WRN: variants seen among roughly 807,000 people sequenced by gnomAD.
The protein encoded by WRN is WRN RecQ like helicase, also known as bifunctional 3'-5' exonuclease/ATP-dependent helicase WRN.
WRN carries 149 observed loss-of-function variants against 180.7 expected under a neutral mutation model. The observed-to-expected ratio is 0.82, with a 90% CI of 0.72 to 0.94. The LOEUF is 0.94. Ranked by LOEUF, WRN falls within the 40% of genes least tolerant of loss-of-function variation. The pLI, the probability that WRN is intolerant of heterozygous loss-of-function variation, is 0.00. For synonymous variants in WRN, 548 were observed against 568.9 expected, an observed-to-expected ratio of 0.96 and a Z score of 0.52; for missense variants, 1,661 against 1,700.1, an observed-to-expected ratio of 0.98 and a Z score of 0.40.
At chr8:31,092,439 T>TTG (rs142679273) in intron 16 of WRN, among the ~76,000 whole-genome samples, 74,909 of 146,644 alleles carry the variant, frequency 0.51, 20,494 homozygotes, top group Middle Eastern at 0.61. Context: ...CACACCCATT[T>TTG]TGTGTGTGTG....
chr8:31,174,687 T>C lies in WRN; in HGVS notation c.*1585T>C, dbSNP rs1409128663. 6.6e-6 allele frequency among the ~76,000 whole-genome samples: 1 copy of C among 152,026 alleles called. No homozygotes were observed. Among genetic ancestry groups the C allele is most frequent in the Non-Finnish European group, 1.5e-5 (1 of 68,002 alleles). ...CACTACTACTACTACTAATTCTTCT[T>C]CTGATTCTTCTTCTTCTCCTTCTTC... is the stretch of plus-strand genomic sequence containing the variant. On this transcript the variant is annotated 3_prime_UTR_variant, in exon 35 of 35. Coordinates refer to ENST00000298139, the MANE Select transcript of WRN (RefSeq NM_000553.6).
At chr8:31,099,657 C>T (rs528358318) in intron 17 of WRN, among the ~76,000 whole-genome samples, 5 of 148,802 alleles carry the variant, frequency 3.4e-5, no homozygotes, top group Non-Finnish European at 7.4e-5. Flanking sequence ...ATTTGCATGT[C>T]TGTCTCCTCT....
At chr8:31,118,703 GA>G (rs1801609906) in intron 20 of WRN, among the ~76,000 whole-genome samples, 1 of 151,886 alleles carries the variant, frequency 6.6e-6, no homozygotes, top group Non-Finnish European at 1.5e-5. Context: ...TATAATTTTA[GA>G]AAAAAGTATA....
At chr8:31,151,894 G>T (rs1420688904) in intron 31 of WRN, among the ~76,000 whole-genome samples, 2 of 142,568 alleles carry the variant, frequency 1.4e-5, no homozygotes, top group Admixed American at 1.4e-4. Flanking sequence ...AGTTTCATTA[G>T]CCTTTTATTT....
chr8:31,044,065 G>C (rs1014721728), intron 1 of WRN, among the ~76,000 whole-genome samples: 1 of 150,456 alleles, frequency 6.6e-6, no homozygotes, highest in Non-Finnish European at 1.5e-5. Context: ...TTTTTTAGAC[G>C]GAGTCTCACT....
chr8:31,061,610 G>T (rs1812487214), intron 3 of WRN, among the ~76,000 whole-genome samples: 1 of 150,702 alleles, frequency 6.6e-6, no homozygotes, highest in Non-Finnish European at 1.5e-5. Flanking sequence ...AAGGAACTTT[G>T]TCAGACATCT....
At chr8:31,154,928 TC>T (rs1418587625) in intron 32 of WRN, among the ~76,000 whole-genome samples, 173 bp downstream of exon 32, 9 of 152,338 alleles carry the variant, frequency 5.9e-5, no homozygotes, top group African/African-American at 2.2e-4. Flanking sequence ...CTGTTAAGCC[TC>T]CCTGTTAAGT....
At chr8:31,055,935 GT>G (rs1416489125) in intron 1 of WRN, among the ~76,000 whole-genome samples, 1 of 152,146 alleles carries the variant, frequency 6.6e-6, no homozygotes, top group Admixed American at 6.5e-5. Flanking sequence ...CAACATTAAT[GT>G]TCTGTGTGCT....
intron 1 of WRN, among the ~76,000 whole-genome samples, chr8:31,052,078 T>C (rs1411629886): frequency 1.3e-5 from 2 of 152,354 alleles, no homozygotes; most frequent in Non-Finnish European, 2.9e-5. Context: ...ACAAAGATCA[T>C]CTGGCCTGTA....
intron 18 of WRN, among the ~76,000 whole-genome samples, chr8:31,106,118 A>G (rs765020122): frequency 1.3e-5 from 2 of 152,004 alleles, no homozygotes; most frequent in Admixed American, 6.6e-5. Context: ...ATTTTCCTCA[A>G]TCTTTTCTCT....
At chr8:31,120,019 T>A (rs1384356340) in intron 20 of WRN, 1 of 532,626 alleles carries the variant, frequency 1.9e-6, no homozygotes, top group Non-Finnish European at 3.4e-6. Flanking sequence ...CCACTTTATT[T>A]ACTATTTTTT....
Position 31,148,752 on chromosome 8 carries a change from G to GCTT in WRN, c.3572+1279_3572+1281dup, listed in dbSNP as rs1339504474. ...GGACTTTCAGATGAATTCTAAAGATGCTTCTGTAGCACTTACCACACAATG... is the reference window on the plus strand; with the variant it reads ...GGACTTTCAGATGAATTCTAAAGATGCTTCTTCTGTAGCACTTACCACACAATG... On this transcript the variant is annotated intron_variant, in intron 30 of 34. Transcript: ENST00000298139. 2.0e-5 allele frequency among the ~76,000 whole-genome samples: 3 copies of GCTT among 152,266 alleles called. No homozygotes were observed. The South Asian group carries it at 6.2e-4, about 32-fold the overall frequency.
Position 31,081,098 on chromosome 8 carries a change from T to C in WRN, c.1071T>C (p.His357=), listed in dbSNP as rs1189584630. Reference sequence around the variant, plus strand: ...CAACACTTGATCATTTAGCTAAACATGATGGAGAAGATGTACTTGGAAATA... The same window carrying C: ...CAACACTTGATCATTTAGCTAAACACGATGGAGAAGATGTACTTGGAAATA... ...WDPTLDHLAK[H]DGEDVLGNKV... Residue 357 remains histidine, a synonymous_variant, in exon 9 of 35, where the codon CAT becomes CAC. Transcript: ENST00000298139. The C allele has an allele frequency of 1.2e-6, 2 of 1,613,942 alleles. No homozygotes were observed. The highest frequency in any genetic ancestry group is 1.7e-6 in the Non-Finnish European group (2 of 1,179,950).
At chr8:31,052,873 C>T (rs1270769823) in intron 1 of WRN, among the ~76,000 whole-genome samples, 1 of 152,050 alleles carries the variant, frequency 6.6e-6, no homozygotes, top group Non-Finnish European at 1.5e-5. Flanking sequence ...TAATGAATCC[C>T]AGGTACCTCG....
intron 28 of WRN, among the ~76,000 whole-genome samples, chr8:31,146,532 C>T (rs1460384231): frequency 6.6e-6 from 1 of 151,682 alleles, no homozygotes; most frequent in Non-Finnish European, 1.5e-5. Context: ...ACTTTTATCC[C>T]CTCTTACCTA....
Position 31,174,866 on chromosome 8 carries a change from CTCTTTCTT to C in WRN, c.*1776_*1783del, listed in dbSNP as rs201973593. Among the ~76,000 whole-genome samples the C allele has an allele frequency of 1.0e-5, 1 of 97,748 alleles. No individual in the cohort carries two copies. The highest frequency in any genetic ancestry group is 2.0e-5 in the Non-Finnish European group (1 of 49,356). 64.1% of individuals were successfully genotyped at this position (97,748 alleles called of 152,430 possible). On this transcript the variant is annotated 3_prime_UTR_variant, in exon 35 of 35. Transcript: ENST00000298139. ...CTCCCTCCCTCCTTTCTTTTTCTTT[CTCTTTCTT>C]TCTTTCTTTCTCTCTCTCTCTCTCT...
At chr8:31,057,400 C>T (rs551773191) in intron 1 of WRN, among the ~76,000 whole-genome samples, 1 of 151,978 alleles carries the variant, frequency 6.6e-6, no homozygotes, top group South Asian at 2.1e-4. Context: ...GAAACCCCGT[C>T]GCTACTAAAA....
chr8:31,049,880 G>C (rs1007856142), intron 1 of WRN, among the ~76,000 whole-genome samples: 1 of 151,820 alleles, frequency 6.6e-6, no homozygotes, highest in Admixed American at 6.6e-5. Flanking sequence ...CATGTGTATT[G>C]CTGTTTATCT....
intron 9 of WRN, among the ~76,000 whole-genome samples, chr8:31,083,332 C>G (rs990502688): frequency 2.0e-5 from 3 of 152,020 alleles, no homozygotes; most frequent in Non-Finnish European, 4.4e-5. Flanking sequence ...GTTCTTTGTA[C>G]GGCATTTTTC....
Sources: gnomAD v4.1 joint callset for allele counts (sites outside exome capture counted in the v4.1 genomes callset) on GRCh38, gnomAD v4.1.1 for gene constraint, MANE v1.5 for transcripts, NCBI Gene and HGNC (gene_info 2026-07-23, HGNC 2026-07-21) for gene names.